The following MYH11 variants were observed in gnomAD, a reference collection of about 807,000 sequenced individuals.
The protein encoded by MYH11 is myosin heavy chain 11, also known as myosin-11.
In MYH11, 80 loss-of-function variants were observed where a neutral mutation model predicts 246.6. The observed-to-expected ratio is 0.32, with a 90% CI of 0.27 to 0.39. The LOEUF is 0.39. Ranked by LOEUF, MYH11 falls within the 10% of genes least tolerant of loss-of-function variation. The pLI is 1.00. For missense variants in MYH11, 2,158 were observed against 2,546.8 expected (o/e 0.85, Z 3.29); for synonymous variants, 1,071 against 1,015.5 (o/e 1.05, Z -1.04).
rs560241055 is a variant in MYH11, at chr16:15,756,541, CAG to C, written c.1576-29_1576-28del. Reference sequence around the variant, plus strand: ...TGTGGGAGACAAGTAGGGCTTGAATCAGAGAGAACACCCAACCTCAGGCATTC... The same window carrying C: ...TGTGGGAGACAAGTAGGGCTTGAATCAGAGAACACCCAACCTCAGGCATTC... On this transcript the variant is annotated intron_variant, in intron 13 of 40. Coordinates refer to ENST00000300036, the MANE Select transcript of MYH11 (RefSeq NM_002474.3). 89 of 1,613,696 alleles carry C rather than the reference CAG, an allele frequency of 5.5e-5. No homozygotes were observed. In the African/African-American group the frequency reaches 8.4e-4, roughly 15 times the overall value.
At chr16:15,798,774 C>T in intron 3 of MYH11, 87 bp from the exon 4 acceptor site, 1 of 1,343,994 alleles carries the variant, frequency 7.4e-7, no homozygotes. Context: ...AGGGCCCTCC[C>T]ATTCTAAAGC....
chr16:15,804,347 C>G (rs919197065), intron 3 of MYH11, among the ~76,000 whole-genome samples: 1 of 152,044 alleles, frequency 6.6e-6, no homozygotes, highest in Non-Finnish European at 1.5e-5. Flanking sequence ...CACGGCAAAA[C>G]CCCGTCTCTA....
At chr16:15,758,974 AAAC>A (rs950502270) in intron 12 of MYH11, among the ~76,000 whole-genome samples, 5 of 151,572 alleles carry the variant, frequency 3.3e-5, no homozygotes, top group African/African-American at 1.2e-4. Flanking sequence ...AAAAAAAAAA[AAAC>A]AAGACAAGAC....
chr16:15,723,013 G>A (rs1440511367), intron 31 of MYH11, among the ~76,000 whole-genome samples: 1 of 152,144 alleles, frequency 6.6e-6, no homozygotes, highest in Non-Finnish European at 1.5e-5. Context: ...CAAAGTGCTA[G>A]GATTACAGGC....
chr16:15,753,562 C>A, intron 14 of MYH11, 54 bp from the exon 15 acceptor site: 2 of 1,419,876 alleles, frequency 1.4e-6, no homozygotes, highest in Non-Finnish European at 2.0e-6. Flanking sequence ...AACTTAGAAA[C>A]CAAGGCCAGG....
intron 7 of MYH11, among the ~76,000 whole-genome samples, chr16:15,776,722 C>G (rs2042229069): frequency 6.6e-6 from 1 of 152,146 alleles, no homozygotes; most frequent in Admixed American, 6.6e-5. Context: ...TCTTCCATGC[C>G]CTCTGTTCCA....
In MYH11 at chr16:15,806,279, CAAAAAAAAAAAAAAA is replaced by C. The variant is rs71134463; in HGVS notation, c.503-7607_503-7593del. ...GCGAGTGCAGTGAGACACTCTGTCT[CAAAAAAAAAAAAAAA>C]AAAAAAAAAAAAAAAAAAAAAGAAG... On this transcript the variant is annotated intron_variant, in intron 3 of 40. Transcript: ENST00000300036. 4.1e-4 allele frequency among the ~76,000 whole-genome samples: 25 copies of C among 61,124 alleles called. No homozygotes were observed. In the East Asian group the frequency reaches 8.2e-3, roughly 20 times the overall value. The allele number at this position is 61,124 out of a possible 152,430, so 40.1% of individuals were successfully genotyped here.
intron 3 of MYH11, among the ~76,000 whole-genome samples, chr16:15,814,809 C>A (rs1163236565): frequency 6.6e-6 from 1 of 152,084 alleles, no homozygotes; most frequent in Non-Finnish European, 1.5e-5. Flanking sequence ...AGTGACTGCC[C>A]TTCTCACACC....
intron 28 of MYH11, chr16:15,725,382 C>A: frequency 1.9e-6 from 1 of 538,166 alleles, no homozygotes; most frequent in Non-Finnish European, 3.2e-6. Context: ...CTCTCTAAGG[C>A]TGGAGAAGGG....
intron 40 of MYH11, among the ~76,000 whole-genome samples, chr16:15,705,380 C>T (rs1472943054): frequency 1.3e-5 from 2 of 152,214 alleles, no homozygotes; most frequent in East Asian, 1.9e-4. Context: ...TTTATCACCT[C>T]GACTTCACAG....
intron 3 of MYH11, among the ~76,000 whole-genome samples, chr16:15,822,133 C>T (rs1303649421): frequency 2.6e-5 from 4 of 152,166 alleles, no homozygotes; most frequent in Admixed American, 1.3e-4. Flanking sequence ...GTCCCTCTAT[C>T]TTGGGGGCGG....
intron 40 of MYH11, among the ~76,000 whole-genome samples, chr16:15,706,797 A>T (rs933212208): frequency 1.3e-4 from 20 of 152,242 alleles, no homozygotes; most frequent in African/African-American, 4.8e-4. Context: ...CTCTTGGAAG[A>T]GTCTATTTGC....
At chr16:15,757,684 C>T in intron 13 of MYH11, 143 bp downstream of exon 13, 1 of 1,035,072 alleles carries the variant, frequency 9.7e-7, no homozygotes, top group Admixed American at 2.0e-5. Context: ...AAGGATTCAG[C>T]TTACAGCCTT....
intron 40 of MYH11, 78 bp downstream of exon 40, chr16:15,714,831 A>C: frequency 6.4e-7 from 1 of 1,562,682 alleles, no homozygotes; most frequent in South Asian, 1.1e-5. Context: ...GGGCATTTGC[A>C]GGCCGAAAGG....
At chr16:15,832,053 T>C (rs1001863305) in intron 2 of MYH11, among the ~76,000 whole-genome samples, 2 of 152,112 alleles carry the variant, frequency 1.3e-5, no homozygotes, top group Non-Finnish European at 2.9e-5. Flanking sequence ...CCAGGAGGCC[T>C]CTGTTCACAA....
At chr16:15,810,628 A>C (rs2043117748) in intron 3 of MYH11, among the ~76,000 whole-genome samples, 1 of 152,056 alleles carries the variant, frequency 6.6e-6, no homozygotes, top group Non-Finnish European at 1.5e-5. Flanking sequence ...CTTCCTGGAG[A>C]TGTGTTTGTA....
intron 2 of MYH11, among the ~76,000 whole-genome samples, chr16:15,824,900 G>T (rs529057055): frequency 2.6e-5 from 4 of 152,292 alleles, no homozygotes; most frequent in African/African-American, 9.6e-5. Context: ...TTTGACAGGA[G>T]GGCAAAGTGA....
chr16:15,765,292 A>G (rs994562855), intron 9 of MYH11, among the ~76,000 whole-genome samples: 1 of 152,110 alleles, frequency 6.6e-6, no homozygotes, highest in African/African-American at 2.4e-5. Flanking sequence ...TTGATGGATG[A>G]ATAATTCATG....
chr16:15,744,530 A>C (rs189212787), intron 20 of MYH11, among the ~76,000 whole-genome samples: 1 of 148,224 alleles, frequency 6.7e-6, no homozygotes, highest in Admixed American at 6.7e-5. Context: ...GAAGAGACAG[A>C]GTCTCAATCT....
Sources: allele counts gnomAD v4.1 joint callset (sites outside exome capture counted in the v4.1 genomes callset), GRCh38; gene constraint gnomAD v4.1.1; transcripts MANE v1.5; gene names NCBI Gene and HGNC (gene_info 2026-07-23, HGNC 2026-07-21).